The following MGAT4C variants were observed in gnomAD, a reference collection of about 807,000 sequenced individuals.
The protein encoded by MGAT4C is alpha-1,3-mannosyl-glycoprotein 4-beta-N-acetylglucosaminyltransferase C.
MGAT4C carries 19 observed loss-of-function variants against 40.1 expected under a neutral mutation model. The ratio of observed to expected loss-of-function variants is 0.47; its 90% CI spans 0.33 to 0.70. The LOEUF is 0.70. Ranked by LOEUF, MGAT4C falls within the 30% of genes least tolerant of loss-of-function variation. MGAT4C has a pLI of 0.02. For missense variants in MGAT4C, 491 were observed against 563.2 expected, an observed-to-expected ratio of 0.87 and a Z score of 1.30; for synonymous variants, 181 against 187.1, an observed-to-expected ratio of 0.97 and a Z score of 0.27.
chr12:86,002,127 G>A (rs145631756), intron 2 of MGAT4C: 90 of 151,964 alleles, frequency 5.9e-4, no homozygotes, highest in African/African-American at 2.1e-3. Context: ...TTTCCTTCCT[G>A]CTTCAGCCCT....
At chr12:85,983,902 A>G (rs1316696311) in intron 3 of MGAT4C, among the ~76,000 whole-genome samples, 1 of 152,128 alleles carries the variant, frequency 6.6e-6, no homozygotes, top group Non-Finnish European at 1.5e-5. Flanking sequence ...TACCACAATT[A>G]CATTTGTTTT....
At chr12:86,495,183 G>C (rs984624447) in intron 2 of MGAT4C, 2 of 152,038 alleles carry the variant, frequency 1.3e-5, no homozygotes, top group African/African-American at 4.8e-5. Context: ...ATATTCTCTT[G>C]AGAGGATAAA....
At chr12:86,750,035 G>T (rs1388514389) in intron 1 of MGAT4C, among the ~76,000 whole-genome samples, 2 of 151,708 alleles carry the variant, frequency 1.3e-5, no homozygotes, top group Non-Finnish European at 2.9e-5. Context: ...TATCTCCCTA[G>T]TTCCCATATG....
At chr12:86,675,410 A>T (rs1030068441) in intron 2 of MGAT4C, among the ~76,000 whole-genome samples, 2 of 152,132 alleles carry the variant, frequency 1.3e-5, no homozygotes, top group African/African-American at 4.8e-5. Context: ...GTCAGCTGTC[A>T]TGTCTGTGAT....
chr12:86,300,142 G>C (rs1338725002), intron 4 of MGAT4C, among the ~76,000 whole-genome samples: 1 of 152,112 alleles, frequency 6.6e-6, no homozygotes, highest in Non-Finnish European at 1.5e-5. Context: ...CATTTACAAA[G>C]CACCCAGTGT....
chr12:86,803,423 A>G (rs1952273243), intron 1 of MGAT4C, among the ~76,000 whole-genome samples: 1 of 152,036 alleles, frequency 6.6e-6, no homozygotes, highest in African/African-American at 2.4e-5. Context: ...ATGGGATCTA[A>G]TTAAACTAAA....
intron 2 of MGAT4C, among the ~76,000 whole-genome samples, chr12:86,705,302 A>T (rs1164009689): frequency 6.6e-6 from 1 of 152,034 alleles, no homozygotes; most frequent in Non-Finnish European, 1.5e-5. Context: ...TCAAATGCTT[A>T]AATGAAATAC....
At chr12:86,689,910 C>T (rs995820972) in intron 2 of MGAT4C, among the ~76,000 whole-genome samples, 2 of 152,156 alleles carry the variant, frequency 1.3e-5, no homozygotes, top group South Asian at 4.1e-4. Flanking sequence ...GAAGCTTAGC[C>T]CACAACAACC....
At chr12:85,980,458 A>G (rs918972844) in intron 4 of MGAT4C, 28 bp from the exon 5 acceptor site, 7 of 1,530,164 alleles carry the variant, frequency 4.6e-6, no homozygotes, top group Non-Finnish European at 6.1e-6. Flanking sequence ...GAAGCAATAC[A>G]AATGTGAACT....
chr12:86,054,200 A>G (rs777103205), intron 1 of MGAT4C, among the ~76,000 whole-genome samples: 4 of 152,088 alleles, frequency 2.6e-5, no homozygotes, highest in African/African-American at 4.8e-5. Context: ...CCAAGTGTCC[A>G]GCAATGGATA....
intron 1 of MGAT4C, among the ~76,000 whole-genome samples, chr12:86,197,984 T>A (rs1165899655): frequency 6.6e-6 from 1 of 152,178 alleles, no homozygotes; most frequent in African/African-American, 2.4e-5. Context: ...AATGAAAATA[T>A]TGTTACAATA....
At chr12:86,522,116 C>G (rs957103889) in intron 2 of MGAT4C, among the ~76,000 whole-genome samples, 2 of 152,108 alleles carry the variant, frequency 1.3e-5, no homozygotes, top group African/African-American at 4.8e-5. Flanking sequence ...CCTAATTACT[C>G]TGCTCAGGAC....
At chr12:86,182,454 T>C (rs1888231832) in intron 1 of MGAT4C, among the ~76,000 whole-genome samples, 1 of 152,136 alleles carries the variant, frequency 6.6e-6, no homozygotes, top group Admixed American at 6.5e-5. Flanking sequence ...CCCTGAAGCT[T>C]GTTCACATGT....
At position 86,631,677 on chromosome 12, in the gene MGAT4C, G is replaced by T. The variant is rs552468035; in HGVS notation, c.-229+95532C>A. Among the ~76,000 whole-genome samples, 133 of 152,098 alleles carry T rather than the reference G, an allele frequency of 8.7e-4. 1 individual carries two copies. Among genetic ancestry groups the T allele is most frequent in the African/African-American group, 2.9e-3 (119 of 41,440 alleles). On this transcript the variant is annotated intron_variant, in intron 2 of 7. Coordinates refer to the MGAT4C transcript ENST00000548651. ...GGAAAGGATTCCCTATTTAATAAAT[G>T]GTGCTGGGAAAACTGGCTAGCCATA...
At chr12:86,350,160 G>A (rs927005323) in intron 3 of MGAT4C, among the ~76,000 whole-genome samples, 4 of 151,948 alleles carry the variant, frequency 2.6e-5, no homozygotes, top group African/African-American at 7.2e-5. Context: ...TATTGCCCTT[G>A]TATCTTGGAT....
intron 3 of MGAT4C, among the ~76,000 whole-genome samples, chr12:86,432,461 T>C (rs928014299): frequency 1.3e-5 from 2 of 151,820 alleles, no homozygotes; most frequent in African/African-American, 4.8e-5. Context: ...ATATTAGGAA[T>C]AAAAATATTT....
chr12:86,691,594 G>A (rs1055568742), intron 2 of MGAT4C, among the ~76,000 whole-genome samples: 1 of 150,208 alleles, frequency 6.7e-6, no homozygotes, highest in Non-Finnish European at 1.5e-5. Flanking sequence ...ATTCTAAATT[G>A]AATTAAGATA....
chr12:86,053,826 G>C (rs760810522), intron 1 of MGAT4C, among the ~76,000 whole-genome samples: 85 of 151,732 alleles, frequency 5.6e-4, no homozygotes, highest in Admixed American at 8.5e-4. Flanking sequence ...ATGACCAACA[G>C]GTATATACAT....
chr12:86,319,505 G>A (rs531933121), intron 4 of MGAT4C, among the ~76,000 whole-genome samples: 6 of 152,182 alleles, frequency 3.9e-5, no homozygotes, highest in Non-Finnish European at 7.4e-5. Flanking sequence ...ATTAACTCCT[G>A]AATAAAATGG....
Sources: gnomAD v4.1 joint callset for allele counts (sites outside exome capture counted in the v4.1 genomes callset) on GRCh38, gnomAD v4.1.1 for gene constraint, MANE v1.5 for transcripts, NCBI Gene and HGNC (gene_info 2026-07-23, HGNC 2026-07-21) for gene names.